The following FILIP1 variants were observed in gnomAD, a reference collection of about 807,000 sequenced individuals.
The protein encoded by FILIP1 is filamin A interacting protein 1.
A neutral mutation model predicts 102.1 loss-of-function variants in FILIP1; 61 were observed. That is an observed-to-expected ratio of 0.60 (90% CI 0.49 to 0.74). FILIP1 has a LOEUF of 0.74. Ranked by LOEUF, FILIP1 falls within the 30% of genes least tolerant of loss-of-function variation. The pLI is 0.00. For missense variants in FILIP1, 1,314 were observed against 1,441.2 expected, an observed-to-expected ratio of 0.91 and a Z score of 1.43; for synonymous variants, 491 against 526.9, an observed-to-expected ratio of 0.93 and a Z score of 0.93.
At chr6:75,345,546 C>A (rs1310409654) in intron 4 of FILIP1, among the ~76,000 whole-genome samples, 1 of 152,106 alleles carries the variant, frequency 6.6e-6, no homozygotes, top group Non-Finnish European at 1.5e-5. Context: ...AGCAGACAAG[C>A]TGGTGCCGGC....
rs780178951 is a variant in FILIP1 at position 75,314,788 on chromosome 6, G to A, written c.1044C>T (p.Thr348=). ...CCTCTGCCTTCTGCAGATTTTTGTT[G>A]GTCTCTTCTAGCTCCTCGATTCTTT... is the stretch of plus-strand genomic sequence containing the variant. ...LTQRIEELEE[T]NKNLQKAEEE... Residue 348 remains threonine, a synonymous_variant, in exon 5 of 6, where the codon ACC becomes ACT. Coordinates refer to ENST00000237172, the MANE Select transcript of FILIP1 (RefSeq NM_015687.5). 31 of 1,613,870 alleles carry A rather than the reference G, an allele frequency of 1.9e-5. No homozygotes were observed. The highest frequency in any genetic ancestry group is 5.0e-5 in the Admixed American group (3 of 59,970).
intron 1 of FILIP1, among the ~76,000 whole-genome samples, chr6:75,470,085 C>A (rs1230108011): frequency 6.6e-6 from 1 of 151,914 alleles, no homozygotes; most frequent in Admixed American, 6.6e-5. Flanking sequence ...TTAAGTAAAA[C>A]CATAGTAAGT....
At chr6:75,352,613 G>A (rs543662119) in intron 4 of FILIP1, among the ~76,000 whole-genome samples, 1 of 152,038 alleles carries the variant, frequency 6.6e-6, no homozygotes, top group Non-Finnish European at 1.5e-5. Context: ...AAGTTATGCA[G>A]CCCTTAGAAA....
At chr6:75,311,179 T>C (rs561904818) in intron 5 of FILIP1, among the ~76,000 whole-genome samples, 1 of 152,074 alleles carries the variant, frequency 6.6e-6, no homozygotes, top group Non-Finnish European at 1.5e-5. Context: ...AATTTATAAT[T>C]TATTTATTTA....
At chr6:75,294,892 T>TTAAA (rs1380945700) in exon 7 of FILIP1, 1 of 138,586 alleles carries the variant, frequency 7.2e-6, no homozygotes, top group African/African-American at 2.8e-5. Context: ...TTTTTTTTTT[T>TTAAA]AAGACTCTCA....
chr6:75,402,617 T>C (rs1430812397), intron 2 of FILIP1, among the ~76,000 whole-genome samples: 4 of 152,142 alleles, frequency 2.6e-5, no homozygotes, highest in Non-Finnish European at 5.9e-5. Context: ...AGAAAAGCCA[T>C]CTTTAAAGAA....
In FILIP1 at chr6:75,488,774, T is replaced by C. The variant is rs1779868320; in HGVS notation, c.-7+4640A>G. Among the ~76,000 whole-genome samples, 9 of 152,180 alleles carry C rather than the reference T, an allele frequency of 5.9e-5. 1 individual carries two copies. The highest frequency in any genetic ancestry group is 5.9e-4 in the Admixed American group (9 of 15,248). On this transcript the variant is annotated intron_variant, in intron 1 of 5. Coordinates refer to ENST00000237172, the MANE Select transcript of FILIP1 (RefSeq NM_015687.5). ...AGCTGCTAAGAAACTTCCCTGCTTA[T>C]AAGGGTGCTTTATATATTTTTGTTA...
chr6:75,478,586 C>T (rs1779555526), intron 1 of FILIP1, among the ~76,000 whole-genome samples: 1 of 152,102 alleles, frequency 6.6e-6, no homozygotes, highest in African/African-American at 2.4e-5. Flanking sequence ...ATCATGAGCT[C>T]TTATACAACA....
intron 6 of FILIP1, among the ~76,000 whole-genome samples, chr6:75,300,294 C>T (rs1385708230): frequency 1.3e-5 from 2 of 152,120 alleles, no homozygotes; most frequent in African/African-American, 2.4e-5. Flanking sequence ...AGTTACAGAA[C>T]AAAAACATGT....
At chr6:75,460,369 A>G (rs762181885) in intron 1 of FILIP1, among the ~76,000 whole-genome samples, 2 of 152,228 alleles carry the variant, frequency 1.3e-5, no homozygotes, top group Non-Finnish European at 2.9e-5. Flanking sequence ...CTCTTAATAC[A>G]TCTTTCTGAT....
At chr6:75,319,380 G>C (rs1197034609) in intron 4 of FILIP1, 1 of 627,096 alleles carries the variant, frequency 1.6e-6, no homozygotes, top group Non-Finnish European at 3.1e-6. Context: ...AGAGCTCTTG[G>C]GTGCCCTGGA....
intron 4 of FILIP1, among the ~76,000 whole-genome samples, chr6:75,331,173 A>C (rs941400956): frequency 1.3e-5 from 2 of 152,200 alleles, no homozygotes; most frequent in African/African-American, 4.8e-5. Flanking sequence ...TAAATGCTAT[A>C]TATGTTGTAA....
At chr6:75,354,611 G>T (rs1326981161) in intron 3 of FILIP1, among the ~76,000 whole-genome samples, 1 of 151,708 alleles carries the variant, frequency 6.6e-6, no homozygotes, top group African/African-American at 2.4e-5. Context: ...ATTTTGGTGG[G>T]TGTGTAGTGT....
At chr6:75,294,463 G>A (rs1772617317) in exon 7 of FILIP1, 1 of 151,896 alleles carries the variant, frequency 6.6e-6, no homozygotes. Flanking sequence ...TATATTACCA[G>A]GGTTTCAAGT....
intron 2 of FILIP1, among the ~76,000 whole-genome samples, chr6:75,375,739 G>A (rs1204927297): frequency 2.6e-5 from 4 of 152,190 alleles, no homozygotes; most frequent in East Asian, 3.8e-4. Context: ...GAATTTATAC[G>A]AGGTTTATTT....
At chr6:75,449,993 G>A (rs745576867) in intron 1 of FILIP1, among the ~76,000 whole-genome samples, 6 of 152,116 alleles carry the variant, frequency 3.9e-5, no homozygotes, top group Admixed American at 6.5e-5. Flanking sequence ...GAGTGCGGTG[G>A]TGCAATCATG....
At chr6:75,442,203 G>C in intron 1 of FILIP1, among the ~76,000 whole-genome samples, 1 of 151,508 alleles carries the variant, frequency 6.6e-6, no homozygotes, top group Non-Finnish European at 1.5e-5. Flanking sequence ...GATGGCGGCC[G>C]GGAAGAGGCG....
At chr6:75,311,349 C>CT (rs35389881) in intron 5 of FILIP1, among the ~76,000 whole-genome samples, 2,072 of 139,462 alleles carry the variant, frequency 0.015, 48 homozygotes, top group African/African-American at 0.051. Flanking sequence ...CACCCAGCTA[C>CT]TTTTTTTTTT....
At chr6:75,475,524 CT>C (rs1779450085) in intron 1 of FILIP1, among the ~76,000 whole-genome samples, 1 of 152,128 alleles carries the variant, frequency 6.6e-6, no homozygotes, top group Non-Finnish European at 1.5e-5. Flanking sequence ...AATAAAAAAT[CT>C]TTCTGAGGTT....
Sources: allele counts gnomAD v4.1 joint callset (sites outside exome capture counted in the v4.1 genomes callset), GRCh38; gene constraint gnomAD v4.1.1; transcripts MANE v1.5; gene names NCBI Gene and HGNC (gene_info 2026-07-23, HGNC 2026-07-21).